MYBL2: variants seen among roughly 807,000 people sequenced by gnomAD.
The protein encoded by MYBL2 is myb-related protein B.
Under a neutral mutation model 79.9 loss-of-function variants are expected in MYBL2, and 28 were observed. The ratio of observed to expected loss-of-function variants is 0.35; its 90% confidence interval spans 0.26 to 0.48. The LOEUF (loss-of-function observed/expected upper bound fraction) is 0.48. Among genes scored for constraint, MYBL2 ranks in the 20% least tolerant of loss-of-function variants. The probability of loss-of-function intolerance (pLI) is 0.99; values close to 1 mark genes in which losing one functional copy is unlikely to be tolerated. For synonymous variants in MYBL2, 378 were observed against 361.2 expected (o/e 1.05, Z -0.53); for missense variants, 735 against 893.9 (o/e 0.82, Z 2.27).
At chr20:43,692,021 G>A (rs1568862507) in intron 5 of MYBL2, 136 bp from the exon 6 acceptor site, 9 of 754,274 alleles carry the variant, frequency 1.2e-5, no homozygotes, top group Non-Finnish European at 1.1e-5. Flanking sequence ...TCTTGGAACT[G>A]AAAGAGACCT....
At chr20:43,713,907 A>T (rs762488237) in intron 12 of MYBL2, among the ~76,000 whole-genome samples, 92 of 152,156 alleles carry the variant, frequency 6.0e-4, no homozygotes, top group Non-Finnish European at 8.2e-4. Context: ...GCCCTGGCTC[A>T]GAGTGGGGAG....
intron 1 of MYBL2, among the ~76,000 whole-genome samples, chr20:43,667,835 G>T (rs1391241686): frequency 6.6e-6 from 1 of 152,158 alleles, no homozygotes. Flanking sequence ...TGAGAAGGGT[G>T]CTGAGTTGGG....
intron 9 of MYBL2, among the ~76,000 whole-genome samples, chr20:43,709,391 A>T (rs1987855931): frequency 6.6e-6 from 1 of 152,086 alleles, no homozygotes; most frequent in Non-Finnish European, 1.5e-5. Flanking sequence ...GGTGGAAATC[A>T]CCCATGGTGG....
intron 11 of MYBL2, among the ~76,000 whole-genome samples, 170 bp from the exon 12 acceptor site, chr20:43,712,832 C>A (rs1036954076): frequency 7.2e-5 from 11 of 152,132 alleles, no homozygotes; most frequent in Non-Finnish European, 2.9e-5. Flanking sequence ...GCCTAACTTT[C>A]CCAGCCACCC....
chr20:43,687,138 A>G, intron 5 of MYBL2, 66 bp downstream of exon 5: 1 of 1,529,540 alleles, frequency 6.5e-7, no homozygotes, highest in East Asian at 2.3e-5. Flanking sequence ...CTGATGGAGG[A>G]GGGTTCCTGG....
chr20:43,700,418 G>A (rs1987654097), intron 7 of MYBL2, among the ~76,000 whole-genome samples: 2 of 152,188 alleles, frequency 1.3e-5, no homozygotes, highest in South Asian at 4.1e-4. Flanking sequence ...CCCTGAAGAG[G>A]AGCCCAGGAA....
intron 1 of MYBL2, among the ~76,000 whole-genome samples, chr20:43,668,278 G>A (rs1245419796): frequency 1.4e-5 from 2 of 139,010 alleles, no homozygotes; most frequent in Non-Finnish European, 3.0e-5. Context: ...TTGGCTCACT[G>A]CAACCTCCGC....
rs1988030936 is a variant in MYBL2, at chr20:43,716,218, C to T, written c.*131C>T. 4.9e-6 allele frequency: 7 copies of T among 1,436,636 alleles called. No individual in the cohort carries two copies. Among genetic ancestry groups the T allele is most frequent in the Admixed American group, 2.2e-5 (1 of 46,208 alleles). 89.0% of individuals were successfully genotyped at this position (1,436,636 alleles called of 1,614,324 possible). A position where few individuals can be genotyped will look rare whatever the true frequency, so the allele number is the denominator to read the frequency against. On this transcript the variant is annotated 3_prime_UTR_variant, in exon 14 of 14. Transcript: ENST00000217026. ...TCTGCCACCAGCCCCTCCCCAGACT[C>T]TCAGGTGGAGGCAACAGGGCCATGT...
At chr20:43,710,879 C>T (rs1007870932) in intron 10 of MYBL2, among the ~76,000 whole-genome samples, 4 of 152,216 alleles carry the variant, frequency 2.6e-5, no homozygotes, top group Non-Finnish European at 5.9e-5. Context: ...AAAATATCTG[C>T]ATGCTCTCCA....
chr20:43,710,557 A>G (rs1008796024), intron 10 of MYBL2, among the ~76,000 whole-genome samples: 3 of 152,182 alleles, frequency 2.0e-5, no homozygotes, highest in Non-Finnish European at 2.9e-5. Context: ...TCTCTATGAA[A>G]AAAGGAGTTG....
At position 43,699,897 on chromosome 20, in the gene MYBL2, G is replaced by A; in HGVS notation, c.804G>A (p.Glu268=). 1.9e-6 allele frequency: 3 copies of A among 1,614,110 alleles called. No individual in the cohort carries two copies. Among genetic ancestry groups the A allele is most frequent in the Non-Finnish European group, 2.5e-6 (3 of 1,179,996 alleles). Residue 268 remains glutamate, a synonymous_variant, in exon 7 of 14, where the codon GAG becomes GAA. Transcript: ENST00000217026. ...ATCTGGACGCAGTGCGAACACCAGA[G>A]CCCTTGGAGGAATTCCCGAAGCGTG... ...GTDLDAVRTP[E]PLEEFPKRED...
Position 43,669,041 on chromosome 20 carries a change from T to C in MYBL2, c.20+1738T>C, listed in dbSNP as rs1274777067. Among the ~76,000 whole-genome samples the C allele has an allele frequency of 2.0e-4, 30 of 152,088 alleles. 1 individual carries two copies. ...GCCACGCCTGGCTAATTTTTTGGAT[T>C]TTTAGTAGAGATGGGTTTCACTGTG... On this transcript the variant is annotated intron_variant, in intron 1 of 13. Coordinates refer to ENST00000217026, the MANE Select transcript of MYBL2 (RefSeq NM_002466.4).
chr20:43,686,729 C>T (rs909377964), intron 4 of MYBL2, 123 bp from the exon 5 acceptor site: 2 of 933,472 alleles, frequency 2.1e-6, no homozygotes, highest in Non-Finnish European at 3.2e-6. Context: ...CTCAGTGTTG[C>T]CTGAGGGGAT....
At chr20:43,694,467 G>T (rs572657835) in intron 6 of MYBL2, among the ~76,000 whole-genome samples, 33 of 152,144 alleles carry the variant, frequency 2.2e-4, no homozygotes, top group Non-Finnish European at 3.4e-4. Flanking sequence ...TTCTGTCATG[G>T]TGTGAACTAT....
chr20:43,669,020 C>A, intron 1 of MYBL2, among the ~76,000 whole-genome samples: 1 of 152,326 alleles, frequency 6.6e-6, no homozygotes, highest in African/African-American at 2.4e-5. Context: ...CACGCCGCCA[C>A]GCCTGGCTAA....
chr20:43,685,608 T>C (rs1335913075), intron 4 of MYBL2, among the ~76,000 whole-genome samples: 1 of 152,092 alleles, frequency 6.6e-6, no homozygotes, highest in East Asian at 1.9e-4. Context: ...AATACAAAAA[T>C]TAGCCAGGTG....
chr20:43,694,092 GGA>G (rs1987475848), intron 6 of MYBL2, among the ~76,000 whole-genome samples: 1 of 151,904 alleles, frequency 6.6e-6, no homozygotes. Context: ...CAGCATTTTG[GGA>G]GGCCGAGGCG....
At chr20:43,681,384 G>A (rs1280865654) in intron 2 of MYBL2, among the ~76,000 whole-genome samples, 1 of 152,202 alleles carries the variant, frequency 6.6e-6, no homozygotes, top group Non-Finnish European at 1.5e-5. Flanking sequence ...ATAGATGGTT[G>A]AACTGATGCT....
At chr20:43,674,023 GGTCCTCTGATT>G (rs1301146132) in intron 2 of MYBL2, 124 bp downstream of exon 2, 1 of 846,334 alleles carries the variant, frequency 1.2e-6, no homozygotes, top group African/African-American at 1.7e-5. Context: ...GGAAGGGATG[GGTCCTCTGATT>G]GTCCTCATGC....
Sources: allele counts gnomAD v4.1 joint callset (sites outside exome capture counted in the v4.1 genomes callset), GRCh38; gene constraint gnomAD v4.1.1; transcripts MANE v1.5; gene names NCBI Gene and HGNC (gene_info 2026-07-23, HGNC 2026-07-21).